Variants in HNF1B observed in about 807,000 individuals in gnomAD.
HNF1B encodes the protein hepatocyte nuclear factor 1-beta.
In HNF1B, 8 loss-of-function variants were observed where a neutral mutation model predicts 61.7. The ratio of observed to expected loss-of-function variants is 0.13; its 90% CI spans 0.08 to 0.23. HNF1B has a LOEUF of 0.23. HNF1B is among the 10% of genes least tolerant of loss of function. The pLI, the probability that HNF1B is intolerant of heterozygous loss-of-function variation, is 1.00. For synonymous variants in HNF1B, 314 were observed against 287.7 expected (o/e 1.09, Z -0.93); for missense variants, 562 against 714.5 (o/e 0.79, Z 2.43).
intron 3 of HNF1B, among the ~76,000 whole-genome samples, chr17:37,732,441 T>C (rs528273062): frequency 6.6e-6 from 1 of 152,278 alleles, no homozygotes; most frequent in Non-Finnish European, 1.5e-5. Context: ...GGCATCTCAT[T>C]AGTCGGGGTA....
chr17:37,698,195 T>C (rs7207401), intron 8 of HNF1B, among the ~76,000 whole-genome samples: 3,771 of 152,224 alleles, frequency 0.025, 161 homozygotes, highest in African/African-American at 0.087. Context: ...TTCAAGGTTG[T>C]CACCTACTTA....
chr17:37,728,271 G>A (rs1440274400), intron 4 of HNF1B, among the ~76,000 whole-genome samples: 2 of 151,938 alleles, frequency 1.3e-5, no homozygotes, highest in East Asian at 1.9e-4. Flanking sequence ...CAAAGTTCTG[G>A]GATTTCAGGT....
At chr17:37,689,810 G>A (rs76114296) in intron 8 of HNF1B, among the ~76,000 whole-genome samples, 237 of 152,318 alleles carry the variant, frequency 1.6e-3, no homozygotes, top group African/African-American at 5.4e-3. Flanking sequence ...AAGCATCACT[G>A]CCTCGAGTTC....
rs9906451 is a variant in HNF1B, at chr17:37,731,265, C to G, written c.1045+330G>C. 71,533 of 479,688 alleles carry G rather than the reference C, an allele frequency of 0.15. 6,446 individuals carry two copies. The highest frequency in any genetic ancestry group is 0.32 in the African/African-American group (16,369 of 51,526). The allele number at this position is 479,688 out of a possible 1,614,324, so 29.7% of individuals were successfully genotyped here. Reference sequence around the variant, plus strand: ...CGACCCGTTTGCCTGCGGTTTGGATCTGGCCCACCCATAAGGCAGCCTCCT... The same window carrying G: ...CGACCCGTTTGCCTGCGGTTTGGATGTGGCCCACCCATAAGGCAGCCTCCT... On this transcript the variant is annotated intron_variant, in intron 4 of 8. Coordinates refer to ENST00000617811, the MANE Select transcript of HNF1B (RefSeq NM_000458.4).
At position 37,744,794 on chromosome 17, in the gene HNF1B, C is replaced by G; in HGVS notation, c.91G>C (p.Glu31Gln). Residue 31 changes from glutamate (E) to glutamine (Q), a missense_variant, in exon 1 of 9, where the codon GAG (glutamate) becomes CAG (glutamine). By Grantham distance (29) the Glu-to-Gln change is conservative. This residue lies in a region of HNF1B where 148 missense variants were observed against 147.3 expected (regional missense o/e 1.00). Coordinates refer to ENST00000617811, the MANE Select transcript of HNF1B (RefSeq NM_000458.4). ...VTKEVLVQAL[E>Q]ELLPSPNFGV... ...AAGTTCGGGGATGGCAGCAACTCCT[C>G]CAAGGCCTGAACCAGCACCTCCTTG... 3 of 1,613,632 alleles carry G rather than the reference C, an allele frequency of 1.9e-6. No homozygotes were observed. Among genetic ancestry groups the G allele is most frequent in the East Asian group, 2.2e-5 (1 of 44,874 alleles).
At chr17:37,698,878 T>TG (rs1168313687) in intron 8 of HNF1B, among the ~76,000 whole-genome samples, 198 bp downstream of exon 8, 5 of 151,074 alleles carry the variant, frequency 3.3e-5, no homozygotes, top group Admixed American at 6.6e-5. Context: ...CTGGGGAATC[T>TG]GGGGGAGCAA....
intron 4 of HNF1B, among the ~76,000 whole-genome samples, chr17:37,727,513 T>A (rs2033538810): frequency 6.6e-6 from 1 of 152,068 alleles, no homozygotes; most frequent in Admixed American, 6.5e-5. Flanking sequence ...TAAGCATGCA[T>A]AAGGGAGACA....
intron 4 of HNF1B, among the ~76,000 whole-genome samples, chr17:37,716,616 G>A (rs1489783150): frequency 4.6e-5 from 7 of 152,166 alleles, no homozygotes; most frequent in African/African-American, 9.7e-5. Flanking sequence ...ACCCTACTGC[G>A]CCTGTGTGTT....
At chr17:37,703,678 G>A (rs2189301) in intron 6 of HNF1B, among the ~76,000 whole-genome samples, 13,237 of 152,184 alleles carry the variant, frequency 0.087, 721 homozygotes, top group Middle Eastern at 0.14. Context: ...CATTTATATT[G>A]TGAGTTCTCT....
intron 4 of HNF1B, among the ~76,000 whole-genome samples, chr17:37,721,775 G>C (rs2033326571): frequency 1.3e-5 from 2 of 150,280 alleles, no homozygotes; most frequent in African/African-American, 4.9e-5. Flanking sequence ...CTGTACTGCA[G>C]TGGCGCCAAT....
intron 4 of HNF1B, among the ~76,000 whole-genome samples, chr17:37,717,685 G>A (rs2033169465): frequency 6.6e-6 from 1 of 152,190 alleles, no homozygotes; most frequent in South Asian, 2.1e-4. Context: ...AAATGATTCT[G>A]TCTGGTGAAC....
At chr17:37,696,215 C>G (rs1366823086) in intron 8 of HNF1B, among the ~76,000 whole-genome samples, 5 of 152,114 alleles carry the variant, frequency 3.3e-5, no homozygotes, top group African/African-American at 1.2e-4. Context: ...GAGGCCAAGG[C>G]AGGCAGTTCA....
intron 5 of HNF1B, among the ~76,000 whole-genome samples, chr17:37,707,857 G>A (rs954253244): frequency 6.6e-6 from 1 of 152,136 alleles, no homozygotes; most frequent in Non-Finnish European, 1.5e-5. Flanking sequence ...TTGGGCATGG[G>A]GGCGGGTAGG....
intron 4 of HNF1B, chr17:37,730,656 G>A (rs1264580977): frequency 6.6e-6 from 1 of 152,286 alleles, no homozygotes; most frequent in Non-Finnish European, 1.5e-5. Context: ...GGTGAGGGGA[G>A]CCAACAGGTT....
intron 5 of HNF1B, 125 bp downstream of exon 5, chr17:37,710,378 C>T (rs2032891341): frequency 7.9e-7 from 1 of 1,266,632 alleles, no homozygotes; most frequent in Non-Finnish European, 1.2e-6. Flanking sequence ...CGACTCTGGA[C>T]AGCCCTCATT....
intron 4 of HNF1B, chr17:37,729,211 C>T (rs2033606678): frequency 6.6e-6 from 1 of 152,044 alleles, no homozygotes; most frequent in Non-Finnish European, 1.5e-5. Flanking sequence ...TAACTACACT[C>T]AGAGAAAGAG....
chr17:37,708,785 C>T (rs2032835319), intron 5 of HNF1B, among the ~76,000 whole-genome samples: 1 of 152,138 alleles, frequency 6.6e-6, no homozygotes, highest in African/African-American at 2.4e-5. Flanking sequence ...AATGCCTCCC[C>T]CAGGAATGCC....
At chr17:37,701,299 T>G in intron 6 of HNF1B, 122 bp from the exon 7 acceptor site, 1 of 883,244 alleles carries the variant, frequency 1.1e-6, no homozygotes, top group South Asian at 1.4e-5. Flanking sequence ...ACATAGGAGA[T>G]TCCATGGGAG....
At chr17:37,712,628 G>A (rs1436738831) in intron 4 of HNF1B, among the ~76,000 whole-genome samples, 2 of 152,184 alleles carry the variant, frequency 1.3e-5, no homozygotes. Flanking sequence ...TCAAGGAGGG[G>A]CAGTGGGAAG....
Sources: gnomAD v4.1 joint callset for allele counts (sites outside exome capture counted in the v4.1 genomes callset) on GRCh38, gnomAD v4.1.1 for gene constraint, gnomAD v4.1.1 regional missense constraint, MANE v1.5 for transcripts, NCBI Gene and HGNC (gene_info 2026-07-23, HGNC 2026-07-21) for gene names.